The following MACROD2 variants were observed in gnomAD, a reference collection of about 807,000 sequenced individuals.
The protein encoded by MACROD2 is ADP-ribose glycohydrolase MACROD2.
MACROD2 carries 36 observed loss-of-function variants against 70.4 expected under a neutral mutation model. The observed-to-expected ratio is 0.51, with a 90% CI of 0.39 to 0.68. The LOEUF is 0.68. MACROD2 is among the 30% of genes least tolerant of loss of function. The pLI is 0.00. For synonymous variants in MACROD2, 172 were observed against 178.8 expected (o/e 0.96, Z 0.30); for missense variants, 496 against 538.4 (o/e 0.92, Z 0.78).
chr20:15,206,721 G>GTTGTTTTT (rs2076707122), intron 5 of MACROD2, among the ~76,000 whole-genome samples: 3 of 32,990 alleles, frequency 9.1e-5, no homozygotes, highest in African/African-American at 4.6e-4. Flanking sequence ...TATTATCTAT[G>GTTGTTTTT]TTTTTTTTTT....
intron 6 of MACROD2, among the ~76,000 whole-genome samples, chr20:15,236,427 G>C (rs751833668): frequency 6.6e-6 from 1 of 152,202 alleles, no homozygotes; most frequent in African/African-American, 2.4e-5. Context: ...ACACCAGAGA[G>C]ATGATTTGAG....
chr20:14,958,518 T>C (rs1262778978), intron 5 of MACROD2, among the ~76,000 whole-genome samples: 2 of 152,158 alleles, frequency 1.3e-5, no homozygotes, highest in Non-Finnish European at 2.9e-5. Flanking sequence ...GGCACTCCCA[T>C]CCAGGCTTAT....
intron 10 of MACROD2, among the ~76,000 whole-genome samples, chr20:15,898,563 A>AAC (rs1332398870): frequency 2.0e-5 from 3 of 151,126 alleles, no homozygotes; most frequent in Admixed American, 6.6e-5. Context: ...AAAAAAAAAA[A>AAC]AAAAAAACAA....
chr20:14,353,516 T>C (rs900795974), intron 3 of MACROD2, among the ~76,000 whole-genome samples: 6 of 152,092 alleles, frequency 3.9e-5, no homozygotes, highest in Non-Finnish European at 7.4e-5. Flanking sequence ...TTGCAAAATT[T>C]TTAAGCTTTC....
chr20:15,030,662 T>C (rs1203288618), intron 5 of MACROD2, among the ~76,000 whole-genome samples: 2 of 144,510 alleles, frequency 1.4e-5, no homozygotes, highest in African/African-American at 2.9e-5. Context: ...TATAGATAGA[T>C]AGACAGATAG....
chr20:15,102,355 T>C (rs2075879418), intron 5 of MACROD2, among the ~76,000 whole-genome samples: 1 of 152,018 alleles, frequency 6.6e-6, no homozygotes, highest in Non-Finnish European at 1.5e-5. Context: ...GTTTAACTAG[T>C]AGAAATCTTT....
rs1416706398 is a variant in MACROD2, at chr20:16,042,696, TCA to T, written c.1231+1421_1231+1422del. Among the ~76,000 whole-genome samples, 4 of 152,172 alleles carry T rather than the reference TCA, an allele frequency of 2.6e-5. No individual in the cohort carries two copies. In the East Asian group the frequency reaches 7.7e-4, roughly 29 times the overall value. ...CACTCCCACACTGAGAAGGGTGAAC[TCA>T]CAATAACTTTGCAGAGCAGGATGGA... is the stretch of plus-strand genomic sequence containing the variant. On this transcript the variant is annotated intron_variant, in intron 16 of 17. Coordinates refer to ENST00000684519, the MANE Select transcript of MACROD2 (RefSeq NM_001351661.2).
intron 5 of MACROD2, among the ~76,000 whole-genome samples, chr20:14,805,996 C>T (rs367627145): frequency 7.3e-5 from 11 of 151,650 alleles, no homozygotes; most frequent in Admixed American, 2.6e-4. Context: ...TGTGAAGATT[C>T]GATGAGTTTA....
chr20:15,084,073 T>TTTTTGTTTTTTTGTTTTTTTG (rs754062468), intron 5 of MACROD2, among the ~76,000 whole-genome samples: 25,281 of 92,308 alleles, frequency 0.27, 3,065 homozygotes, highest in Non-Finnish European at 0.35. Context: ...TTTTTTTTTG[T>TTTTTGTTTTTTTGTTTTTTTG]TTTTTTTTTT....
At chr20:14,940,984 A>G (rs2074385026) in intron 5 of MACROD2, among the ~76,000 whole-genome samples, 1 of 152,060 alleles carries the variant, frequency 6.6e-6, no homozygotes, top group South Asian at 2.1e-4. Flanking sequence ...AGTTCTTTAC[A>G]TGTTTGTTAG....
At chr20:15,339,418 A>C (rs1174876583) in intron 6 of MACROD2, among the ~76,000 whole-genome samples, 4 of 151,828 alleles carry the variant, frequency 2.6e-5, no homozygotes, top group Admixed American at 2.0e-4. Context: ...ATTGACTGGT[A>C]AGTCATAAGC....
intron 7 of MACROD2, among the ~76,000 whole-genome samples, chr20:15,439,072 G>A (rs2046462646): frequency 6.6e-6 from 1 of 152,204 alleles, no homozygotes; most frequent in African/African-American, 2.4e-5. Flanking sequence ...CAGTTAGAGA[G>A]CCAAACTAAA....
intron 3 of MACROD2, among the ~76,000 whole-genome samples, chr20:14,268,763 G>A (rs188684475): frequency 1.1e-4 from 17 of 152,226 alleles, no homozygotes; most frequent in South Asian, 6.2e-4. Flanking sequence ...AAAAAGTGAC[G>A]TCAACTATAT....
At chr20:14,588,560 G>C (rs994080871) in intron 4 of MACROD2, among the ~76,000 whole-genome samples, 2 of 152,048 alleles carry the variant, frequency 1.3e-5, no homozygotes, top group African/African-American at 4.8e-5. Context: ...TGGCTGGAGT[G>C]CAGTGGCGTG....
chr20:14,219,403 A>G (rs2081650582), intron 3 of MACROD2, among the ~76,000 whole-genome samples: 1 of 151,638 alleles, frequency 6.6e-6, no homozygotes, highest in African/African-American at 2.4e-5. Flanking sequence ...TCTTTAAGCT[A>G]TCTATTTCCT....
At chr20:14,158,394 T>C (rs1052038378) in intron 3 of MACROD2, among the ~76,000 whole-genome samples, 1 of 152,178 alleles carries the variant, frequency 6.6e-6, no homozygotes, top group Non-Finnish European at 1.5e-5. Flanking sequence ...GTCTTTTTAC[T>C]CTTGTTTTTC....
chr20:15,037,029 T>G (rs1480481963), intron 5 of MACROD2, among the ~76,000 whole-genome samples: 1 of 152,102 alleles, frequency 6.6e-6, no homozygotes, highest in Admixed American at 6.6e-5. Flanking sequence ...AAAATTGGTC[T>G]TTTTATGAGA....
At chr20:14,499,102 G>T (rs1013937326) in intron 4 of MACROD2, among the ~76,000 whole-genome samples, 2 of 152,188 alleles carry the variant, frequency 1.3e-5, no homozygotes, top group Admixed American at 1.3e-4. Context: ...TGGGCCTGGG[G>T]AACAGCAACA....
intron 5 of MACROD2, among the ~76,000 whole-genome samples, chr20:14,997,345 T>G (rs2074958678): frequency 6.6e-6 from 1 of 152,044 alleles, no homozygotes; most frequent in African/African-American, 2.4e-5. Flanking sequence ...AAGTATCTAG[T>G]CTTGGCAAGA....
Sources: gnomAD v4.1 joint callset for allele counts (sites outside exome capture counted in the v4.1 genomes callset) on GRCh38, gnomAD v4.1.1 for gene constraint, MANE v1.5 for transcripts, NCBI Gene and HGNC (gene_info 2026-07-23, HGNC 2026-07-21) for gene names.